The following CASS4 variants were observed in gnomAD, a reference collection of about 807,000 sequenced individuals.
CASS4 encodes Cas scaffold protein family member 4.
A neutral mutation model predicts 54.2 loss-of-function variants in CASS4; 22 were observed. That is an observed-to-expected ratio of 0.41 (90% confidence interval 0.29 to 0.58). CASS4 has a LOEUF of 0.58. Ranked by LOEUF, CASS4 falls within the 20% of genes least tolerant of loss-of-function variation. The probability of loss-of-function intolerance (pLI) is 0.36; values close to 1 mark genes in which losing one functional copy is unlikely to be tolerated. For missense variants in CASS4, 854 were observed against 986.7 expected, an observed-to-expected ratio of 0.87 and a Z score of 1.80; for synonymous variants, 409 against 391.5, an observed-to-expected ratio of 1.04 and a Z score of -0.53.
chr20:56,445,025 G>A (rs1254662551), intron 2 of CASS4, among the ~76,000 whole-genome samples: 1 of 151,938 alleles, frequency 6.6e-6, no homozygotes, highest in Non-Finnish European at 1.5e-5. Flanking sequence ...CAGGAGAATC[G>A]CTTGAATCCA....
In CASS4 at chr20:56,451,889, A is replaced by G. The variant is rs188270733; in HGVS notation, c.713A>G (p.Gln238Arg). 134 of 1,614,202 alleles carry G rather than the reference A, an allele frequency of 8.3e-5. 1 individual carries two copies. The East Asian group carries it at 2.2e-3, about 26-fold the overall frequency. Reference protein sequence around the residue: ...RGGYSTLPNPQKSEWIYDTPV... With the variant: ...RGGYSTLPNPRKSEWIYDTPV... ...GGTTACAGCACATTACCAAATCCTCAGAAATCGGAATGGATTTATGACACT... is the reference window on the plus strand; with the variant it reads ...GGTTACAGCACATTACCAAATCCTCGGAAATCGGAATGGATTTATGACACT... Residue 238 changes from glutamine (Q) to arginine (R), a missense_variant, in exon 5 of 6, where the codon CAG becomes CGG. Transcript: ENST00000679887.
intron 4 of CASS4, among the ~76,000 whole-genome samples, chr20:56,450,998 G>A (rs1393919170): frequency 6.7e-6 from 1 of 148,544 alleles, no homozygotes; most frequent in African/African-American, 2.5e-5. Flanking sequence ...GTGTAACCCT[G>A]TCTCTAATAA....
intron 3 of CASS4, among the ~76,000 whole-genome samples, chr20:56,447,494 C>A (rs563545624): frequency 1.3e-5 from 2 of 152,330 alleles, no homozygotes; most frequent in East Asian, 3.9e-4. Flanking sequence ...GTCCTGCTCA[C>A]CTGGTTCTGT....
Position 56,412,466 on chromosome 20 carries a change from G to C in CASS4, c.8G>C (p.Gly3Ala). The part of the protein sequence containing the change: MK[G>A]TGIMDCAPKA... ...CTGCTCCACATCACCGACATGAAGGGAACAGGCATCATGGACTGTGCGCCC... is the reference window on the plus strand; with the variant it reads ...CTGCTCCACATCACCGACATGAAGGCAACAGGCATCATGGACTGTGCGCCC... Residue 3 changes from glycine (G) to alanine (A), a missense_variant, in exon 1 of 6, where the codon GGA becomes GCA. By Grantham distance (60) the Gly-to-Ala change is moderately conservative. Transcript: ENST00000679887. The surrounding 1 kb of genome is among the most constrained non-coding windows in gnomAD (Gnocchi z 4.2). 6.2e-7 allele frequency: 1 copy of C among 1,612,798 alleles called. No homozygotes were observed. Among genetic ancestry groups the C allele is most frequent in the South Asian group, 1.1e-5 (1 of 90,646 alleles).
At position 56,451,020 on chromosome 20, in the gene CASS4, T is replaced by TA. The variant is rs113539482; in HGVS notation, c.642+356dup. On this transcript the variant is annotated intron_variant, in intron 4 of 5. Transcript: ENST00000679887. Reference sequence around the variant, plus strand: ...CCTGTCTCTAATAAAATACAAAAATTAAAAAAAAAAAAAAAGAAAGAAAGA... The same window carrying TA: ...CCTGTCTCTAATAAAATACAAAAATTAAAAAAAAAAAAAAAAGAAAGAAAGA... 3.8e-3 allele frequency among the ~76,000 whole-genome samples: 533 copies of TA among 140,512 alleles called. 1 individual carries two copies. Among genetic ancestry groups the TA allele is most frequent in the Middle Eastern group, 0.011 (3 of 276 alleles). The allele number at this position is 140,512 out of a possible 152,430, so 92.2% of individuals were successfully genotyped here.
At chr20:56,419,903 C>T (rs1979334097) in intron 1 of CASS4, among the ~76,000 whole-genome samples, 1 of 152,228 alleles carries the variant, frequency 6.6e-6, no homozygotes, top group South Asian at 2.1e-4. Flanking sequence ...ATTAGCTGGG[C>T]TTGGTGGTGC....
At position 56,437,719 on chromosome 20, in the gene CASS4, C is replaced by A. The variant is rs1980260851; in HGVS notation, c.459+133C>A. On this transcript the variant is annotated intron_variant, in intron 2 of 5. Transcript: ENST00000679887. This position sits in a 1 kb window ranked among gnomAD's most constrained non-coding sequence, Gnocchi z 4.7. ...GGAGCCCAGATTGCTGGCAATCACG[C>A]TCGGGGAGCTTGTGTGCCAGGTTGG... 2.4e-6 allele frequency: 2 copies of A among 818,600 alleles called. No individual in the cohort carries two copies. Among genetic ancestry groups the A allele is most frequent in the Non-Finnish European group, 3.6e-6 (2 of 551,580 alleles). 50.7% of individuals were successfully genotyped at this position (818,600 alleles called of 1,614,324 possible). A position where few individuals can be genotyped will look rare whatever the true frequency, so the allele number is the denominator to read the frequency against.
chr20:56,447,578 C>CT (rs779796666), intron 3 of CASS4, among the ~76,000 whole-genome samples: 2 of 152,174 alleles, frequency 1.3e-5, no homozygotes, highest in Non-Finnish European at 2.9e-5. Context: ...CTGTAAGTGC[C>CT]CCCCACCTCC....
At chr20:56,447,080 C>T (rs571000465) in intron 3 of CASS4, among the ~76,000 whole-genome samples, 8 of 151,964 alleles carry the variant, frequency 5.3e-5, no homozygotes, top group South Asian at 4.2e-4. Context: ...TGGTGGTTCA[C>T]GCCTGTAGTC....
intron 3 of CASS4, among the ~76,000 whole-genome samples, chr20:56,448,065 C>T (rs1980810131): frequency 6.6e-6 from 1 of 151,638 alleles, no homozygotes; most frequent in African/African-American, 2.4e-5. Context: ...TGGCGTGAAC[C>T]CGGGAGGCGG....
rs1978938706 is a variant in CASS4 at position 56,412,665 on chromosome 20, G to T, written c.36+171G>T. Among the ~76,000 whole-genome samples the T allele has an allele frequency of 6.6e-6, 1 of 152,202 alleles. No individual in the cohort carries two copies. The highest frequency in any genetic ancestry group is 2.1e-4 in the South Asian group (1 of 4,830). ...TTTAAGTGTGGGAAATAGATGTGTT[G>T]TAAAGCTCCTTACCAGTTTGCATCC... On this transcript the variant is annotated intron_variant, in intron 1 of 5. Coordinates refer to ENST00000679887, the MANE Select transcript of CASS4 (RefSeq NM_020356.4). This position sits in a 1 kb window ranked among gnomAD's most constrained non-coding sequence, Gnocchi z 4.2.
rs1282189491 is a variant in CASS4, at chr20:56,412,307, T to G, written c.-152T>G. The G allele has an allele frequency of 3.7e-6, 3 of 810,424 alleles. No homozygotes were observed. The highest frequency in any genetic ancestry group is 6.0e-6 in the Non-Finnish European group (3 of 502,098). 50.2% of individuals were successfully genotyped at this position (810,424 alleles called of 1,614,324 possible). ...CCAGAAAGTTTGCCTGCTGGGAGAGTCTTTTTGATCGTTTCCCATGTGTTG... is the reference window on the plus strand; with the variant it reads ...CCAGAAAGTTTGCCTGCTGGGAGAGGCTTTTTGATCGTTTCCCATGTGTTG... On this transcript the variant is annotated 5_prime_UTR_variant, in exon 1 of 6. Transcript: ENST00000679887. The surrounding 1 kb of genome is among the most constrained non-coding windows in gnomAD (Gnocchi z 4.2).
intron 1 of CASS4, among the ~76,000 whole-genome samples, chr20:56,428,114 A>G (rs1380830313): frequency 6.6e-6 from 1 of 152,208 alleles, no homozygotes; most frequent in Non-Finnish European, 1.5e-5. Context: ...AGAAAGAATG[A>G]TATTCTAGGT....
Position 56,437,259 on chromosome 20 carries a change from C to T in CASS4, c.132C>T (p.His44=), listed in dbSNP as rs763578592. The T allele has an allele frequency of 1.4e-5, 23 of 1,613,770 alleles. No individual in the cohort carries two copies. In the Admixed American group the frequency reaches 2.0e-4, roughly 14 times the overall value. The part of the protein sequence containing the change: ...RGDILTILEQ[H]VPESEGWWKC... Reference sequence around the variant, plus strand: ...ACATCCTGACCATTCTGGAGCAACACGTGCCAGAAAGCGAGGGTTGGTGGA... The same window carrying T: ...ACATCCTGACCATTCTGGAGCAACATGTGCCAGAAAGCGAGGGTTGGTGGA... The change falls in exon 2 of 6, where the codon CAC becomes CAT. Residue 44 remains histidine (H), a synonymous_variant. Coordinates refer to ENST00000679887, the MANE Select transcript of CASS4 (RefSeq NM_020356.4). This position sits in a 1 kb window ranked among gnomAD's most constrained non-coding sequence, Gnocchi z 4.7.
intron 2 of CASS4, among the ~76,000 whole-genome samples, chr20:56,443,985 C>T (rs1980586667): frequency 1.3e-5 from 2 of 152,106 alleles, no homozygotes; most frequent in African/African-American, 2.4e-5. Context: ...AGAAAGCAGT[C>T]GTCACTCAAC....
At chr20:56,429,478 C>T (rs1483125163) in intron 1 of CASS4, among the ~76,000 whole-genome samples, 1 of 152,132 alleles carries the variant, frequency 6.6e-6, no homozygotes, top group East Asian at 1.9e-4. Flanking sequence ...CTCCATGCAC[C>T]CCATTTTCCA....
At chr20:56,415,534 A>G (rs1979089235) in intron 1 of CASS4, among the ~76,000 whole-genome samples, 1 of 152,228 alleles carries the variant, frequency 6.6e-6, no homozygotes, top group Non-Finnish European at 1.5e-5. Context: ...ACCAATACGT[A>G]CTGGTGTTCA....
At chr20:56,439,175 T>C (rs1446129868) in intron 2 of CASS4, among the ~76,000 whole-genome samples, 1 of 152,018 alleles carries the variant, frequency 6.6e-6, no homozygotes, top group Admixed American at 6.5e-5. Context: ...ATATCAATTA[T>C]TTTGTTTTTT....
chr20:56,436,358 G>GTATATATATATATA lies in CASS4; in HGVS notation c.37-805_37-804insATATATATATATAT, dbSNP rs775709837. On this transcript the variant is annotated intron_variant, in intron 1 of 5. Transcript: ENST00000679887. Reference sequence around the variant, plus strand: ...TATATGTGTGTGTGTGTGTGTGTGTGTGTATATATATATATGTATATATAT... The same window carrying GTATATATATATATA: ...TATATGTGTGTGTGTGTGTGTGTGTGTATATATATATATATGTATATATATATATGTATATATAT... Among the ~76,000 whole-genome samples, 6 of 144,420 alleles carry GTATATATATATATA rather than the reference G, an allele frequency of 4.2e-5. No homozygotes were observed. In the South Asian group the frequency reaches 6.5e-4, roughly 16 times the overall value. The allele number at this position is 144,420 out of a possible 152,430, so 94.7% of individuals were successfully genotyped here. A position where few individuals can be genotyped will look rare whatever the true frequency, so the allele number is the denominator to read the frequency against.
Sources: gnomAD v4.1 joint callset for allele counts (sites outside exome capture counted in the v4.1 genomes callset) on GRCh38, gnomAD v4.1.1 for gene constraint, Gnocchi (gnomAD v3.1) non-coding constraint, MANE v1.5 for transcripts, NCBI Gene and HGNC (gene_info 2026-07-23, HGNC 2026-07-21) for gene names.